PRAMEF11: variants seen among roughly 807,000 people sequenced by gnomAD.
The protein encoded by PRAMEF11 is PRAME family member 11.
PRAMEF11 carries 17 observed loss-of-function variants against 33.6 expected under a neutral mutation model. The ratio of observed to expected loss-of-function variants is 0.51; its 90% CI spans 0.35 to 0.76. PRAMEF11 has a LOEUF of 0.76. Ranked by LOEUF, PRAMEF11 falls within the 30% of genes least tolerant of loss-of-function variation. The probability of loss-of-function intolerance (pLI) is 0.01; values close to 1 mark genes in which losing one functional copy is unlikely to be tolerated. For missense variants in PRAMEF11, 568 were observed against 567.0 expected (o/e 1.00, Z -0.02); for synonymous variants, 205 against 227.3 (o/e 0.90, Z 0.88).
chr1:12,828,825 G>C lies in PRAMEF11; in HGVS notation c.-16-20C>G, dbSNP rs1041819776. The C allele has an allele frequency of 6.8e-6, 11 of 1,607,534 alleles. No individual in the cohort carries two copies. In the African/African-American group the frequency reaches 1.5e-4, roughly 22 times the overall value. On this transcript the variant is annotated intron_variant, in intron 1 of 3. Transcript: ENST00000619922. ...GGAAAACTTCCAGAGGACAAACCCA[G>C]AGAAAAGGCATCACTCTCAGGCCAA...
intron 2 of PRAMEF11, 138 bp from the exon 3 acceptor site, chr1:12,827,968 A>G: frequency 6.8e-7 from 1 of 1,468,790 alleles, no homozygotes; most frequent in South Asian, 1.3e-5. Context: ...TTCCCCTTGG[A>G]TCCTACCCAC....
intron 3 of PRAMEF11, among the ~76,000 whole-genome samples, chr1:12,825,904 G>T (rs1027192326): frequency 6.7e-6 from 1 of 150,242 alleles, no homozygotes; most frequent in South Asian, 2.2e-4. Flanking sequence ...AACCCAGGAG[G>T]TGTAGGTTGC....
At position 12,826,889 on chromosome 1, in the gene PRAMEF11, C is replaced by G. The variant is rs969569094; in HGVS notation, c.875+360G>C. Among the ~76,000 whole-genome samples, 88 of 147,598 alleles carry G rather than the reference C, an allele frequency of 6.0e-4. 2 individuals are homozygous for G. Among genetic ancestry groups the G allele is most frequent in the African/African-American group, 1.7e-3 (69 of 40,518 alleles). ...TATCCTCTTGCCTCAGACTCCCAAA[C>G]TGCTAGGATTACAGGCATGAGCCAA... is the stretch of plus-strand genomic sequence containing the variant. On this transcript the variant is annotated intron_variant, in intron 3 of 3. Transcript: ENST00000619922.
At position 12,826,316 on chromosome 1, in the gene PRAMEF11, A is replaced by G. The variant is rs1183978408; in HGVS notation, c.876-813T>C. ...AGGTAATTAATTTACCTGGAGCTCA[A>G]AAGAAACTTTTACAATGGGAATTAG... On this transcript the variant is annotated intron_variant, in intron 3 of 3. Coordinates refer to ENST00000619922, the MANE Select transcript of PRAMEF11 (RefSeq NM_001146344.3). Among the ~76,000 whole-genome samples, 4 of 130,812 alleles carry G rather than the reference A, an allele frequency of 3.1e-5. 1 individual carries two copies. Among genetic ancestry groups the G allele is most frequent in the Non-Finnish European group, 7.1e-5 (4 of 56,344 alleles). 85.8% of individuals were successfully genotyped at this position (130,812 alleles called of 152,430 possible). A position where few individuals can be genotyped will look rare whatever the true frequency, so the allele number is the denominator to read the frequency against.
chr1:12,830,958 ACTCCAGT>A (rs1221630385), intron 1 of PRAMEF11, among the ~76,000 whole-genome samples: 1 of 148,352 alleles, frequency 6.7e-6, no homozygotes, highest in Admixed American at 6.9e-5. Flanking sequence ...ATGCCACTGC[ACTCCAGT>A]CTGGGCAACA....
chr1:12,825,006 T>A lies in PRAMEF11; in HGVS notation c.1373A>T (p.Asp458Val). Reference protein sequence around the residue: ...RHPKRILFCTDNCPDHGDRSF... With the variant: ...RHPKRILFCTVNCPDHGDRSF... Reference sequence around the variant, plus strand: ...CCTGTCGCCATGGTCAGGGCAGTTGTCAGTACAGAACAAGATCCTCTTGGG... The same window carrying A: ...CCTGTCGCCATGGTCAGGGCAGTTGACAGTACAGAACAAGATCCTCTTGGG... Residue 458 changes from aspartate (D) to valine (V), a missense_variant, in exon 4 of 4, where the codon GAC (aspartate) becomes GTC (valine). Transcript: ENST00000619922. The A allele has an allele frequency of 6.2e-7, 1 of 1,609,782 alleles. No individual in the cohort carries two copies. Among genetic ancestry groups the A allele is most frequent in the Non-Finnish European group, 8.5e-7 (1 of 1,177,750 alleles).
chr1:12,826,924 C>T (rs1173466710), intron 3 of PRAMEF11, among the ~76,000 whole-genome samples: 1 of 151,258 alleles, frequency 6.6e-6, no homozygotes, highest in Non-Finnish European at 1.5e-5. Flanking sequence ...ACGCCCCTGG[C>T]CTATTTTTCA....
chr1:12,828,056 C>T (rs11805400), intron 2 of PRAMEF11, among the ~76,000 whole-genome samples: 8,744 of 149,562 alleles, frequency 0.058, 935 homozygotes, highest in African/African-American at 0.2. Context: ...TGTGATGTCA[C>T]CTCACTGCAA....
At chr1:12,828,854 C>T in intron 1 of PRAMEF11, 49 bp from the exon 2 acceptor site, 1 of 1,602,650 alleles carries the variant, frequency 6.2e-7, no homozygotes. Context: ...AGGCCAAGCC[C>T]ATGCAATCTC....
chr1:12,829,338 C>G (rs1182567112), intron 1 of PRAMEF11, among the ~76,000 whole-genome samples: 1 of 148,324 alleles, frequency 6.7e-6, no homozygotes, highest in Non-Finnish European at 1.5e-5. Context: ...TCCTCTCTCT[C>G]CCTTCTTTCT....
intron 3 of PRAMEF11, among the ~76,000 whole-genome samples, chr1:12,826,769 A>C: frequency 6.6e-6 from 1 of 150,688 alleles, no homozygotes; most frequent in Non-Finnish European, 1.5e-5. Context: ...TCTCAGAAAA[A>C]AAAGTTATCT....
chr1:12,826,534 G>T (rs556164051), intron 3 of PRAMEF11, among the ~76,000 whole-genome samples: 5 of 151,078 alleles, frequency 3.3e-5, no homozygotes, highest in African/African-American at 4.8e-5. Flanking sequence ...GTCCAAGGTG[G>T]GTGGATCACC....
In PRAMEF11 at chr1:12,827,693, C is replaced by T. The variant is rs1479811621; in HGVS notation, c.431G>A (p.Arg144Lys). Residue 144 changes from arginine to lysine, a missense_variant, in exon 3 of 4, where the codon AGA becomes AAA. Around this residue, in one of 3 missense-constraint regions of PRAMEF11, gnomAD observed 342 missense variants for 312.0 expected, o/e 1.10. Coordinates refer to ENST00000619922, the MANE Select transcript of PRAMEF11 (RefSeq NM_001146344.3). ...AAACACAGTCAAGGGCTGCCGTCCT[C>T]TCATCCTTGGACAGTCCTGCACTGG... ...KKPVQDCPRMRGRQPLTVFVE... is the reference protein window; with the variant it reads ...KKPVQDCPRMKGRQPLTVFVE... 2.5e-6 allele frequency: 4 copies of T among 1,609,980 alleles called. No individual in the cohort carries two copies. Among genetic ancestry groups the T allele is most frequent in the Non-Finnish European group, 1.7e-6 (2 of 1,177,946 alleles).
At chr1:12,829,283 T>C (rs1639955487) in intron 1 of PRAMEF11, among the ~76,000 whole-genome samples, 1 of 149,664 alleles carries the variant, frequency 6.7e-6, no homozygotes, top group African/African-American at 2.5e-5. Context: ...TCTCTCTTTC[T>C]TTTTTCCTTC....
intron 3 of PRAMEF11, 141 bp downstream of exon 3, chr1:12,827,108 G>T (rs552035209): frequency 1.3e-6 from 2 of 1,516,870 alleles, no homozygotes; most frequent in South Asian, 1.2e-5. Flanking sequence ...GGACAGGGCC[G>T]CCAACAGGAC....
At chr1:12,827,890 A>G in intron 2 of PRAMEF11, 60 bp from the exon 3 acceptor site, 4 of 1,599,434 alleles carry the variant, frequency 2.5e-6, no homozygotes, top group Admixed American at 3.4e-5. Context: ...CTTAAACTCC[A>G]CATCCTGCAT....
intron 3 of PRAMEF11, among the ~76,000 whole-genome samples, chr1:12,826,730 C>G (rs1427433018): frequency 3.3e-5 from 5 of 151,264 alleles, no homozygotes; most frequent in Admixed American, 1.3e-4. Flanking sequence ...CAAGTGCACT[C>G]TACCCTGGAT....
chr1:12,824,991 T>G lies in PRAMEF11; in HGVS notation c.1388A>C (p.His463Pro), dbSNP rs541931298. Residue 463 changes from histidine (H) to proline (P), a missense_variant, in exon 4 of 4, where the codon CAT becomes CCT. By Grantham distance (77) the His-to-Pro change is moderately conservative. Coordinates refer to ENST00000619922, the MANE Select transcript of PRAMEF11 (RefSeq NM_001146344.3). The part of the protein sequence containing the change: ...ILFCTDNCPD[H>P]GDRSFYDLEA... ...CAGGTCATAAAATGACCTGTCGCCA[T>G]GGTCAGGGCAGTTGTCAGTACAGAA... 2.5e-6 allele frequency: 4 copies of G among 1,609,566 alleles called. No individual in the cohort carries two copies. The African/African-American group carries it at 5.4e-5, about 22-fold the overall frequency.
intron 1 of PRAMEF11, among the ~76,000 whole-genome samples, chr1:12,830,326 C>G (rs747995566): frequency 2.6e-5 from 4 of 151,134 alleles, no homozygotes; most frequent in African/African-American, 9.7e-5. Context: ...CTCACTTCAT[C>G]GGCCAGGCTA....
Sources: allele counts gnomAD v4.1 joint callset (sites outside exome capture counted in the v4.1 genomes callset), GRCh38; gene constraint gnomAD v4.1.1; regional missense constraint gnomAD v4.1.1; transcripts MANE v1.5; gene names NCBI Gene and HGNC (gene_info 2026-07-23, HGNC 2026-07-21).